The following CFAP161 variants were observed in gnomAD, a reference collection of about 807,000 sequenced individuals.
The protein encoded by CFAP161 is cilia and flagella associated protein 161.
CFAP161 carries 25 observed loss-of-function variants against 29.0 expected under a neutral mutation model. That is an observed-to-expected ratio of 0.86 (90% CI 0.63 to 1.20). The LOEUF is 1.20. CFAP161 is among the 50% of genes most tolerant of loss of function. The pLI is 0.00. For synonymous variants in CFAP161, 116 were observed against 137.4 expected (o/e 0.84, Z 1.09); for missense variants, 367 against 371.9 (o/e 0.99, Z 0.11).
At chr15:81,106,460 G>A (rs573832973) in intron 1 of CFAP161, among the ~76,000 whole-genome samples, 34 of 152,170 alleles carry the variant, frequency 2.2e-4, no homozygotes, top group South Asian at 1.0e-3. Flanking sequence ...ATGAGCCACC[G>A]TGCCCGGCTG....
intron 2 of CFAP161, among the ~76,000 whole-genome samples, chr15:81,128,097 C>T (rs1567155035): frequency 6.6e-6 from 1 of 152,132 alleles, no homozygotes; most frequent in Non-Finnish European, 1.5e-5. Flanking sequence ...TGGTAATGAC[C>T]TTTGTGTAAG....
intron 1 of CFAP161, among the ~76,000 whole-genome samples, chr15:81,106,169 C>T (rs529192395): frequency 7.2e-5 from 11 of 152,078 alleles, no homozygotes; most frequent in South Asian, 6.2e-4. Flanking sequence ...AGAAATCACA[C>T]GGAGAAGAAG....
chr15:81,144,784 C>CA (rs57014546), intron 5 of CFAP161, among the ~76,000 whole-genome samples: 20,509 of 105,540 alleles, frequency 0.19, 3,009 homozygotes, highest in African/African-American at 0.43. Flanking sequence ...GACCGTGTCT[C>CA]AAAAAAAAAA....
chr15:81,142,995 G>T (rs1894938352), intron 4 of CFAP161, among the ~76,000 whole-genome samples: 1 of 152,168 alleles, frequency 6.6e-6, no homozygotes, highest in South Asian at 2.1e-4. Context: ...TGAGTTTAAT[G>T]CAACATCATT....
intron 1 of CFAP161, among the ~76,000 whole-genome samples, chr15:81,134,863 C>T (rs541719122): frequency 1.4e-5 from 2 of 146,510 alleles, no homozygotes; most frequent in South Asian, 4.2e-4. Context: ...TGTACTCACT[C>T]ACTGCCTCGT....
At position 81,136,746 on chromosome 15, in the gene CFAP161, G is replaced by A; in HGVS notation, c.390G>A (p.Leu130=). 1 of 1,607,668 alleles carries A rather than the reference G, an allele frequency of 6.2e-7. No homozygotes were observed. Among genetic ancestry groups the A allele is most frequent in the African/African-American group, 1.3e-5 (1 of 74,854 alleles). ...TPIGRNTFII[L]SVHRDATGQV... ...TTGGCAGAAACACTTTTATCATTTTGAGGTAAAGAGACTTTAATTTTCAGT... is the reference window on the plus strand; with the variant it reads ...TTGGCAGAAACACTTTTATCATTTTAAGGTAAAGAGACTTTAATTTTCAGT... The change falls in exon 3 of 7, where the codon TTG becomes TTA. Residue 130 remains leucine, a splice_region_variant and synonymous_variant. Coordinates refer to ENST00000286732, the MANE Select transcript of CFAP161 (RefSeq NM_173528.4).
chr15:81,114,124 A>G (rs1200680713), intron 1 of CFAP161, among the ~76,000 whole-genome samples: 1 of 152,222 alleles, frequency 6.6e-6, no homozygotes, highest in Non-Finnish European at 1.5e-5. Flanking sequence ...TGGAGAAAAA[A>G]TAGACAGAGC....
intron 4 of CFAP161, among the ~76,000 whole-genome samples, chr15:81,141,051 T>C (rs971336209): frequency 1.3e-5 from 2 of 152,266 alleles, no homozygotes; most frequent in African/African-American, 4.8e-5. Context: ...ATATAATGGT[T>C]ATTTTTTTCA....
At chr15:81,142,273 T>TC (rs1491373117) in intron 4 of CFAP161, among the ~76,000 whole-genome samples, 12 of 152,178 alleles carry the variant, frequency 7.9e-5, no homozygotes, top group Admixed American at 7.8e-4. Context: ...TCTTTTTTTT[T>TC]TAATTTTCAT....
chr15:81,138,509 T>C (rs1029173518), intron 4 of CFAP161, among the ~76,000 whole-genome samples: 6 of 152,216 alleles, frequency 3.9e-5, no homozygotes, highest in Non-Finnish European at 7.3e-5. Context: ...TCTGACAACT[T>C]TTTTATTTAA....
intron 4 of CFAP161, among the ~76,000 whole-genome samples, chr15:81,141,184 T>C (rs1894901800): frequency 6.6e-6 from 1 of 152,250 alleles, no homozygotes; most frequent in African/African-American, 2.4e-5. Context: ...TGTCTCTCCA[T>C]TTATTCTGTC....
chr15:81,111,761 G>C (rs888361781), intron 1 of CFAP161, among the ~76,000 whole-genome samples: 3 of 152,108 alleles, frequency 2.0e-5, no homozygotes, highest in Non-Finnish European at 4.4e-5. Flanking sequence ...GCTTACCTCT[G>C]TTCTTGCATC....
chr15:81,144,187 G>C (rs566507331), intron 5 of CFAP161, among the ~76,000 whole-genome samples: 56 of 152,332 alleles, frequency 3.7e-4, no homozygotes, highest in African/African-American at 1.3e-3. Context: ...TTTCTAAAAA[G>C]CTCAGGCCCT....
chr15:81,105,341 CCCTCCTTCCCTCCTTCCTTCTTTT>C (rs71782921), intron 1 of CFAP161, among the ~76,000 whole-genome samples: 77,140 of 123,942 alleles, frequency 0.62, 25,290 homozygotes, highest in Non-Finnish European at 0.74. Context: ...TTCTTTTCTT[CCCTCCTTCCCTCCTTCCTTCTTTT>C]CCTCCTTCCC....
Position 81,136,761 on chromosome 15 carries a change from T to C in CFAP161, c.392+13T>C. 6.3e-7 allele frequency: 1 copy of C among 1,586,570 alleles called. No individual in the cohort carries two copies. Among genetic ancestry groups the C allele is most frequent in the Non-Finnish European group, 8.7e-7 (1 of 1,155,768 alleles). ...TTATCATTTTGAGGTAAAGAGACTT[T>C]AATTTTCAGTTCATTTTCATCATAA... is the stretch of plus-strand genomic sequence containing the variant. On this transcript the variant is annotated intron_variant, in intron 3 of 6. Transcript: ENST00000286732.
At chr15:81,135,179 G>C (rs988589141) in intron 1 of CFAP161, 91 bp from the exon 2 acceptor site, 33 of 754,560 alleles carry the variant, frequency 4.4e-5, no homozygotes, top group Non-Finnish European at 6.5e-5. Context: ...CTCAAATTTT[G>C]CTTTTTCAAC....
chr15:81,148,328 C>G lies in CFAP161; in HGVS notation c.711-10C>G, dbSNP rs751692218. 4.4e-6 allele frequency: 7 copies of G among 1,603,008 alleles called. No homozygotes were observed. The East Asian group carries it at 1.6e-4, about 36-fold the overall frequency. On this transcript the variant is annotated splice_polypyrimidine_tract_variant and intron_variant, in intron 6 of 6. Transcript: ENST00000286732. The stretch of plus-strand genomic sequence containing the variant: ...AATTTCAAACCACAACTGATTCTCT[C>G]TTGCTCCAGCACCTATTTTGGAAAG...
chr15:81,115,539 G>A (rs1047535220), intron 1 of CFAP161, among the ~76,000 whole-genome samples: 1 of 151,898 alleles, frequency 6.6e-6, no homozygotes, highest in African/African-American at 2.4e-5. Context: ...TCAAAGTGCT[G>A]AGCCAGTATT....
chr15:81,119,161 T>G (rs763935124), intron 1 of CFAP161, among the ~76,000 whole-genome samples: 4 of 152,234 alleles, frequency 2.6e-5, no homozygotes, highest in Non-Finnish European at 5.9e-5. Flanking sequence ...AATTTTAGAC[T>G]ATAGCTGATT....
Sources: gnomAD v4.1 joint callset for allele counts (sites outside exome capture counted in the v4.1 genomes callset) on GRCh38, gnomAD v4.1.1 for gene constraint, MANE v1.5 for transcripts, NCBI Gene and HGNC (gene_info 2026-07-23, HGNC 2026-07-21) for gene names.